ACBD6: variants seen among roughly 807,000 people sequenced by gnomAD.
The protein encoded by ACBD6 is acyl-CoA-binding domain-containing protein 6.
A neutral mutation model predicts 37.2 loss-of-function variants in ACBD6; 28 were observed. The observed-to-expected ratio is 0.75, with a 90% CI of 0.56 to 1.03. The LOEUF (loss-of-function observed/expected upper bound fraction) is 1.03. Ranked by LOEUF, ACBD6 falls within the 50% of genes least tolerant of loss-of-function variation. The pLI, the probability that ACBD6 is intolerant of heterozygous loss-of-function variation, is 0.00. For missense variants in ACBD6, 340 were observed against 337.4 expected (o/e 1.01, Z -0.06); for synonymous variants, 113 against 126.8 (o/e 0.89, Z 0.73).
intron 3 of ACBD6, among the ~76,000 whole-genome samples, chr1:180,483,933 G>A (rs1000507697): frequency 6.6e-6 from 1 of 152,018 alleles, no homozygotes; most frequent in African/African-American, 2.4e-5. Context: ...GATACTACCC[G>A]GGAATTATGA....
intron 4 of ACBD6, among the ~76,000 whole-genome samples, chr1:180,415,025 C>T (rs543243145): frequency 1.3e-5 from 2 of 151,570 alleles, no homozygotes; most frequent in African/African-American, 2.4e-5. Flanking sequence ...TGCAGTGAGC[C>T]GAGATTGCGC....
chr1:180,487,610 G>A (rs1490138828), intron 3 of ACBD6, among the ~76,000 whole-genome samples: 1 of 152,080 alleles, frequency 6.6e-6, no homozygotes, highest in Admixed American at 6.6e-5. Flanking sequence ...AAGTACAAGA[G>A]TTGTGATAAT....
chr1:180,334,413 G>A (rs550407803), intron 6 of ACBD6, among the ~76,000 whole-genome samples: 1 of 152,280 alleles, frequency 6.6e-6, no homozygotes, highest in African/African-American at 2.4e-5. Context: ...AGGGTCTGGA[G>A]TGGACCTCCA....
intron 3 of ACBD6, among the ~76,000 whole-genome samples, chr1:180,447,396 T>C (rs1649516933): frequency 6.6e-6 from 1 of 152,172 alleles, no homozygotes; most frequent in African/African-American, 2.4e-5. Context: ...GTCATCACTT[T>C]GTAACAACAA....
intron 3 of ACBD6, among the ~76,000 whole-genome samples, chr1:180,468,773 T>A (rs1263688674): frequency 2.6e-5 from 4 of 152,204 alleles, no homozygotes; most frequent in Non-Finnish European, 4.4e-5. Context: ...ACCATAAAAA[T>A]CTTTGCTGGT....
At chr1:180,277,326 A>G (rs940571593) in intron 9 of ACBD6, 1 of 152,228 alleles carries the variant, frequency 6.6e-6, no homozygotes, top group Non-Finnish European at 1.5e-5. Flanking sequence ...GTTGCTTGGA[A>G]GTCTATTATG....
chr1:180,308,432 A>C (rs1159014522), intron 7 of ACBD6, among the ~76,000 whole-genome samples: 2 of 152,148 alleles, frequency 1.3e-5, no homozygotes, highest in East Asian at 3.8e-4. Flanking sequence ...TTCTCAAGGG[A>C]AGTTTAGCAT....
chr1:180,489,483 GTTAT>G (rs1651403418), intron 3 of ACBD6, among the ~76,000 whole-genome samples: 1 of 150,696 alleles, frequency 6.6e-6, no homozygotes, highest in Non-Finnish European at 1.5e-5. Flanking sequence ...TTCTTTTAAT[GTTAT>G]TTAATGTATT....
chr1:180,271,716 C>T, exon 14 of ACBD6: 1 of 1,322,764 alleles, frequency 7.6e-7, no homozygotes, highest in Non-Finnish European at 1.1e-6. Flanking sequence ...GCATCGCACT[C>T]CCAGACCTGT....
chr1:180,274,272 G>A (rs755439908), intron 10 of ACBD6: 1 of 1,614,256 alleles, frequency 6.2e-7, no homozygotes, highest in Non-Finnish European at 8.5e-7. Context: ...ATGAATGGGA[G>A]CTTCTCCATG....
intron 3 of ACBD6, among the ~76,000 whole-genome samples, chr1:180,476,609 T>G (rs548321772): frequency 6.6e-6 from 1 of 152,290 alleles, no homozygotes; most frequent in South Asian, 2.1e-4. Flanking sequence ...GCGGATCACC[T>G]GAGGTCGGGA....
Position 180,490,294 on chromosome 1 carries a change from T to C in ACBD6, c.384+1975A>G, listed in dbSNP as rs555034835. ...ACCTTGAGAAACATATTTGTATGCA[T>C]ATTTGGTGTCTTATAAAAGATAATA... is the stretch of plus-strand genomic sequence containing the variant. On this transcript the variant is annotated intron_variant, in intron 3 of 7. Transcript: ENST00000367595. Among the ~76,000 whole-genome samples the C allele has an allele frequency of 2.4e-4, 37 of 152,314 alleles. 1 individual carries two copies. The highest frequency in any genetic ancestry group is 2.2e-3 in the Admixed American group (34 of 15,302).
intron 8 of ACBD6, among the ~76,000 whole-genome samples, chr1:180,283,144 G>C (rs1649365212): frequency 1.3e-5 from 2 of 152,082 alleles, no homozygotes; most frequent in African/African-American, 4.8e-5. Flanking sequence ...TACTTTAAAA[G>C]AGCCTTTTAT....
chr1:180,370,018 T>C (rs1275919824), intron 6 of ACBD6, among the ~76,000 whole-genome samples: 1 of 152,222 alleles, frequency 6.6e-6, no homozygotes, highest in Non-Finnish European at 1.5e-5. Context: ...GAGGCAATAT[T>C]ATTTCTACTC....
downstream of ACBD6, among the ~76,000 whole-genome samples, chr1:180,283,422 T>C (rs1173998709): frequency 1.3e-5 from 2 of 152,098 alleles, no homozygotes; most frequent in Non-Finnish European, 2.9e-5. Context: ...AGCTCCACCA[T>C]GAGACAAGTG....
chr1:180,419,963 T>G (rs949381012), intron 4 of ACBD6, among the ~76,000 whole-genome samples: 3 of 152,216 alleles, frequency 2.0e-5, no homozygotes, highest in Non-Finnish European at 4.4e-5. Context: ...GTACCAATCC[T>G]TTCACCATTT....
Position 180,502,417 on chromosome 1 carries a change from C to CCTGCTCCCTGCCCACTT in ACBD6, c.-168_-152dup. 1.2e-6 allele frequency: 1 copy of CCTGCTCCCTGCCCACTT among 801,256 alleles called. No individual in the cohort carries two copies. Among genetic ancestry groups the CCTGCTCCCTGCCCACTT allele is most frequent in the Non-Finnish European group, 2.1e-6 (1 of 475,896 alleles). 49.6% of individuals were successfully genotyped at this position (801,256 alleles called of 1,614,324 possible). A position where few individuals can be genotyped will look rare whatever the true frequency, so the allele number is the denominator to read the frequency against. On this transcript the variant is annotated 5_prime_UTR_variant, in exon 1 of 8. Coordinates refer to ENST00000367595, the MANE Select transcript of ACBD6 (RefSeq NM_032360.4). The stretch of plus-strand genomic sequence containing the variant: ...GTCGCGGCGCGCTCCCTCACGTGAC[C>CCTGCTCCCTGCCCACTT]CTGCTCCCTGCCCACTTCTACTCCC...
chr1:180,467,056 G>T (rs1020671901), intron 3 of ACBD6, among the ~76,000 whole-genome samples: 1 of 151,912 alleles, frequency 6.6e-6, no homozygotes, highest in African/African-American at 2.4e-5. Context: ...AAACATATTT[G>T]TTCTCCATTT....
intron 6 of ACBD6, among the ~76,000 whole-genome samples, chr1:180,333,106 T>C (rs1384961314): frequency 6.6e-6 from 1 of 152,174 alleles, no homozygotes; most frequent in Non-Finnish European, 1.5e-5. Context: ...TAGAAATTAA[T>C]GCCAGTAAAT....
Sources: allele counts gnomAD v4.1 joint callset (sites outside exome capture counted in the v4.1 genomes callset), GRCh38; gene constraint gnomAD v4.1.1; transcripts MANE v1.5; gene names NCBI Gene and HGNC (gene_info 2026-07-23, HGNC 2026-07-21).